MYO9A: variants seen among roughly 807,000 people sequenced by gnomAD.
The protein encoded by MYO9A is myosin IXA, also known as unconventional myosin-IXa.
A neutral mutation model predicts 293.3 loss-of-function variants in MYO9A; 103 were observed. That is an observed-to-expected ratio of 0.35 (90% CI 0.30 to 0.41). The LOEUF (loss-of-function observed/expected upper bound fraction) is 0.41, where lower values mean the gene tolerates loss of function less well. Ranked by LOEUF, MYO9A falls within the 10% of genes least tolerant of loss-of-function variation. MYO9A has a pLI of 1.00. For synonymous variants in MYO9A, 1,001 were observed against 1,035.7 expected, an observed-to-expected ratio of 0.97 and a Z score of 0.64; for missense variants, 2,685 against 3,033.0, an observed-to-expected ratio of 0.89 and a Z score of 2.69.
At chr15:71,975,451 A>AC (rs2076119147) in intron 12 of MYO9A, among the ~76,000 whole-genome samples, 1 of 138,452 alleles carries the variant, frequency 7.2e-6, no homozygotes, top group Admixed American at 7.3e-5. Context: ...ATGGTTCCTG[A>AC]CTTATTAACT....
Position 72,094,073 on chromosome 15 carries a change from G to A in MYO9A, c.-72+23607C>T, listed in dbSNP as rs376037828. Among the ~76,000 whole-genome samples the A allele has an allele frequency of 1.4e-4, 13 of 90,454 alleles. 2 individuals carry two copies. Among genetic ancestry groups the A allele is most frequent in the East Asian group, 4.7e-4 (2 of 4,212 alleles). The allele number at this position is 90,454 out of a possible 152,430, so 59.3% of individuals were successfully genotyped here. ...AAAAACATATAAGAAAGCCAGACAC[G>A]GTGGCTCGTAGCTATAATCCCAGGA... is the stretch of plus-strand genomic sequence containing the variant. On this transcript the variant is annotated intron_variant, in intron 1 of 41. Transcript: ENST00000356056.
intron 13 of MYO9A, among the ~76,000 whole-genome samples, chr15:71,967,186 A>C (rs2075899412): frequency 6.6e-6 from 1 of 152,214 alleles, no homozygotes; most frequent in Non-Finnish European, 1.5e-5. Context: ...TATAACACAT[A>C]GCCCATTTAT....
chr15:71,906,758 C>CTTTTTTTTTTTTTTTTTTT lies in MYO9A; in HGVS notation c.2686-1771_2686-1753dup, dbSNP rs71131714. 2.8e-4 allele frequency among the ~76,000 whole-genome samples: 17 copies of CTTTTTTTTTTTTTTTTTTT among 61,030 alleles called. 2 individuals are homozygous for CTTTTTTTTTTTTTTTTTTT. Among genetic ancestry groups the CTTTTTTTTTTTTTTTTTTT allele is most frequent in the African/African-American group, 1.1e-3 (17 of 15,724 alleles). 40.0% of individuals were successfully genotyped at this position (61,030 alleles called of 152,430 possible). A position where few individuals can be genotyped will look rare whatever the true frequency, so the allele number is the denominator to read the frequency against. The stretch of plus-strand genomic sequence containing the variant: ...CCAATCAGATAATATCCATTTCTTT[C>CTTTTTTTTTTTTTTTTTTT]TTTTTTTTTTTTTTTTTTTTCCTGA... On this transcript the variant is annotated intron_variant, in intron 19 of 41. Coordinates refer to ENST00000356056, the MANE Select transcript of MYO9A (RefSeq NM_006901.4).
At chr15:71,831,464 G>A (rs566772356) in intron 39 of MYO9A, among the ~76,000 whole-genome samples, 6 of 152,286 alleles carry the variant, frequency 3.9e-5, no homozygotes, top group African/African-American at 1.4e-4. Context: ...CCCACTCAAT[G>A]GTGTGGGTTG....
chr15:72,110,973 C>T (rs553680370), intron 1 of MYO9A, among the ~76,000 whole-genome samples: 4 of 151,900 alleles, frequency 2.6e-5, no homozygotes, highest in South Asian at 4.2e-4. Context: ...TCCTGACTAA[C>T]ATGGTGAAGC....
chr15:71,879,631 C>G, intron 30 of MYO9A, 90 bp downstream of exon 30: 3 of 924,020 alleles, frequency 3.2e-6, no homozygotes, highest in Non-Finnish European at 4.9e-6. Flanking sequence ...AAATCTCTTA[C>G]GAAACATGGC....
In MYO9A at chr15:71,825,984, G is replaced by A. The variant is rs144940129; in HGVS notation, c.*596C>T. 1.0e-3 allele frequency: 149 copies of A among 144,044 alleles called. 1 individual carries two copies. Among genetic ancestry groups the A allele is most frequent in the African/African-American group, 3.6e-3 (140 of 38,384 alleles). 8.9% of individuals were successfully genotyped at this position (144,044 alleles called of 1,614,324 possible). A position where few individuals can be genotyped will look rare whatever the true frequency, so the allele number is the denominator to read the frequency against. On this transcript the variant is annotated 3_prime_UTR_variant, in exon 42 of 42. Transcript: ENST00000356056. ...CTGATGGCTTAATGGAAACAATCAC[G>A]GTTTTTTTTTGTTTTTTTTTTTTTG...
intron 19 of MYO9A, among the ~76,000 whole-genome samples, chr15:71,913,654 G>A (rs1049763269): frequency 3.3e-5 from 5 of 151,498 alleles, no homozygotes; most frequent in South Asian, 2.1e-4. Flanking sequence ...ATTTCTCATC[G>A]GATGTTAGAC....
intron 13 of MYO9A, among the ~76,000 whole-genome samples, chr15:71,966,714 G>C (rs138481313): frequency 1.8e-3 from 270 of 152,108 alleles, no homozygotes; most frequent in African/African-American, 6.4e-3. Flanking sequence ...TTTACCTTAA[G>C]ATTTCACTTC....
intron 39 of MYO9A, among the ~76,000 whole-genome samples, chr15:71,840,527 T>C (rs1190676226): frequency 1.3e-5 from 2 of 152,238 alleles, no homozygotes; most frequent in Non-Finnish European, 2.9e-5. Context: ...TGAAACAATA[T>C]ATGAATAGAT....
chr15:72,010,733 C>T (rs1004589968), intron 6 of MYO9A, among the ~76,000 whole-genome samples: 4 of 152,148 alleles, frequency 2.6e-5, no homozygotes, highest in African/African-American at 9.7e-5. Context: ...GTTAGCTGTA[C>T]TCAGTAAGTG....
chr15:71,986,845 T>G (rs2076419557), intron 11 of MYO9A, among the ~76,000 whole-genome samples: 1 of 152,160 alleles, frequency 6.6e-6, no homozygotes, highest in Non-Finnish European at 1.5e-5. Flanking sequence ...TTAATAAATT[T>G]AGTGTAACTT....
At chr15:71,879,579 A>G (rs1329990742) in intron 30 of MYO9A, 142 bp downstream of exon 30, 1 of 623,802 alleles carries the variant, frequency 1.6e-6, no homozygotes, top group Non-Finnish European at 2.8e-6. Flanking sequence ...AAAACCATTC[A>G]TTTTCCTTGT....
intron 15 of MYO9A, among the ~76,000 whole-genome samples, chr15:71,949,781 C>CCAGGATTT (rs2059010162): frequency 6.6e-6 from 1 of 151,764 alleles, no homozygotes; most frequent in Non-Finnish European, 1.5e-5. Context: ...TCTCTCAGTC[C>CCAGGATTT]CAGGATTTTC....
At chr15:71,993,338 G>A (rs559397554) in intron 10 of MYO9A, among the ~76,000 whole-genome samples, 212 of 151,696 alleles carry the variant, frequency 1.4e-3, no homozygotes, top group African/African-American at 4.5e-3. Flanking sequence ...CAAAAAAAAT[G>A]AGACACTGTC....
chr15:72,003,566 T>C (rs1306032282), intron 8 of MYO9A, among the ~76,000 whole-genome samples: 1 of 151,146 alleles, frequency 6.6e-6, no homozygotes, highest in Non-Finnish European at 1.5e-5. Context: ...TAGCCGGACA[T>C]GGTGGCAGGC....
Position 72,099,654 on chromosome 15 carries a change from G to T in MYO9A, c.-72+18026C>A, listed in dbSNP as rs189343994. ...GCGGTGGCTCATGCCTGTAATCCCA[G>T]AATTTTGGGAGGCTGAGCGGGTGGA... On this transcript the variant is annotated intron_variant, in intron 1 of 41. Coordinates refer to ENST00000356056, the MANE Select transcript of MYO9A (RefSeq NM_006901.4). Among the ~76,000 whole-genome samples the T allele has an allele frequency of 6.2e-3, 936 of 151,888 alleles. 8 individuals are homozygous for T. Among genetic ancestry groups the T allele is most frequent in the Non-Finnish European group, 8.1e-3 (548 of 67,942 alleles).
intron 14 of MYO9A, chr15:71,958,364 A>G (rs1027671012): frequency 1.2e-4 from 18 of 152,164 alleles, no homozygotes; most frequent in African/African-American, 4.3e-4. Context: ...ACCTACCAAA[A>G]GAGAGTAGGT....
intron 1 of MYO9A, among the ~76,000 whole-genome samples, chr15:72,070,555 T>C (rs900603409): frequency 1.4e-4 from 21 of 151,634 alleles, no homozygotes; most frequent in Middle Eastern, 3.2e-3. Flanking sequence ...GTTGACAATA[T>C]AGATATACTC....
Sources: allele counts gnomAD v4.1 joint callset (sites outside exome capture counted in the v4.1 genomes callset), GRCh38; gene constraint gnomAD v4.1.1; transcripts MANE v1.5; gene names NCBI Gene and HGNC (gene_info 2026-07-23, HGNC 2026-07-21).